MAPK10: variants seen among roughly 807,000 people sequenced by gnomAD.
MAPK10 encodes JNK3 alpha protein kinase.
In MAPK10, 25 loss-of-function variants were observed where a neutral mutation model predicts 59.3. That is an observed-to-expected ratio of 0.42 (90% CI 0.31 to 0.59). MAPK10 has a LOEUF of 0.59. Ranked by LOEUF, MAPK10 falls within the 20% of genes least tolerant of loss-of-function variation. The probability of loss-of-function intolerance (pLI) is 0.15; values close to 1 mark genes in which losing one functional copy is unlikely to be tolerated. For synonymous variants in MAPK10, 190 were observed against 200.5 expected, an observed-to-expected ratio of 0.95 and a Z score of 0.44; for missense variants, 351 against 568.9, an observed-to-expected ratio of 0.62 and a Z score of 3.90.
At chr4:86,062,076 T>A (rs1317006476) in intron 11 of MAPK10, among the ~76,000 whole-genome samples, 1 of 152,144 alleles carries the variant, frequency 6.6e-6, no homozygotes, top group East Asian at 1.9e-4. Context: ...CTCTTCTTAG[T>A]TGTGACCACT....
In MAPK10 at chr4:86,544,898, T is replaced by C. The variant is rs577102939; in HGVS notation, c.-263+49012A>G. 2.6e-5 allele frequency among the ~76,000 whole-genome samples: 4 copies of C among 151,858 alleles called. No homozygotes were observed. The East Asian group carries it at 7.7e-4, about 29-fold the overall frequency. On this transcript the variant is annotated intron_variant, in intron 1 of 4. Transcript: ENST00000502302. Reference sequence around the variant, plus strand: ...GTTTTTTTCTTTTTTTTTTTTTCACTATTTCAACAGGAAACAAAATCTTCA... The same window carrying C: ...GTTTTTTTCTTTTTTTTTTTTTCACCATTTCAACAGGAAACAAAATCTTCA...
At position 86,329,957 on chromosome 4, in the gene MAPK10, C is replaced by T. The variant is rs559386854; in HGVS notation, c.-7+24573G>A. Among the ~76,000 whole-genome samples, 6 of 152,238 alleles carry T rather than the reference C, an allele frequency of 3.9e-5. No homozygotes were observed. In the South Asian group the frequency reaches 6.2e-4, roughly 16 times the overall value. ...AAAGATGGGCAGAGGCATATATTCT[C>T]CAGACTTTTAATTTAGTAGAATTTT... On this transcript the variant is annotated intron_variant, in intron 2 of 13. Coordinates refer to ENST00000641462, the MANE Select transcript of MAPK10 (RefSeq NM_138982.4).
chr4:86,139,422 AG>A (rs1156521834), intron 4 of MAPK10, among the ~76,000 whole-genome samples: 52 of 150,136 alleles, frequency 3.5e-4, no homozygotes, highest in Admixed American at 1.9e-3. Flanking sequence ...GAGAAAAACA[AG>A]CAATGGGGAA....
At chr4:86,212,429 G>A (rs1454965536) in intron 2 of MAPK10, among the ~76,000 whole-genome samples, 1 of 152,116 alleles carries the variant, frequency 6.6e-6, no homozygotes, top group Non-Finnish European at 1.5e-5. Flanking sequence ...GACTGAGGCA[G>A]GAGGCTCACT....
At chr4:86,217,602 A>G (rs2088098709) in intron 2 of MAPK10, among the ~76,000 whole-genome samples, 2 of 152,202 alleles carry the variant, frequency 1.3e-5, no homozygotes, top group South Asian at 4.1e-4. Context: ...CAGAATACTC[A>G]GCATGTAACG....
intron 5 of MAPK10, chr4:86,106,892 G>GTT (rs141825745): frequency 1.4e-4 from 22 of 157,598 alleles, no homozygotes; most frequent in South Asian, 4.0e-4. Flanking sequence ...TGCTTTGTAG[G>GTT]TTTTTTTTTT....
At chr4:86,169,750 G>A (rs971105717) in intron 3 of MAPK10, among the ~76,000 whole-genome samples, 2 of 151,844 alleles carry the variant, frequency 1.3e-5, no homozygotes, top group African/African-American at 4.9e-5. Context: ...GCAACTCCAA[G>A]ACACATAATT....
At chr4:86,322,739 A>T (rs2095926860) in intron 2 of MAPK10, among the ~76,000 whole-genome samples, 1 of 152,204 alleles carries the variant, frequency 6.6e-6, no homozygotes, top group African/African-American at 2.4e-5. Flanking sequence ...AATAAGATGT[A>T]AACCCCATTC....
At position 86,017,143 on chromosome 4, in the gene MAPK10, T is replaced by TTGTG. The variant is rs112287084; in HGVS notation, c.*81_*84dup. 1.3e-5 allele frequency: 17 copies of TTGTG among 1,277,142 alleles called. No homozygotes were observed. The highest frequency in any genetic ancestry group is 4.5e-5 in the African/African-American group (3 of 67,254). The allele number at this position is 1,277,142 out of a possible 1,614,324, so 79.1% of individuals were successfully genotyped here. On this transcript the variant is annotated 3_prime_UTR_variant, in exon 14 of 14. Coordinates refer to ENST00000641462, the MANE Select transcript of MAPK10 (RefSeq NM_138982.4). This position sits in a 1 kb window ranked among gnomAD's most constrained non-coding sequence, Gnocchi z 4.4. ...TTTTCTTGATGTTGTGTGTCTGCAT[T>TTGTG]TGTGTGTGTGTGTGTGTCTGCGTGT...
intron 2 of MAPK10, among the ~76,000 whole-genome samples, chr4:86,287,122 G>A (rs146539147): frequency 2.6e-5 from 4 of 152,184 alleles, no homozygotes; most frequent in Admixed American, 2.0e-4. Context: ...TTACCCAGCC[G>A]GGTAAGGAAA....
chr4:86,525,077 C>T lies in MAPK10; in HGVS notation c.-263+68833G>A, dbSNP rs116772676. On this transcript the variant is annotated intron_variant, in intron 1 of 4. Transcript: ENST00000502302. Reference sequence around the variant, plus strand: ...CTTTGGGAGGCTGACACGGGCAGATCGCTTGAGCTCGAGTTCGAGACCAGC... The same window carrying T: ...CTTTGGGAGGCTGACACGGGCAGATTGCTTGAGCTCGAGTTCGAGACCAGC... Among the ~76,000 whole-genome samples the T allele has an allele frequency of 5.8e-3, 889 of 152,132 alleles. 7 individuals are homozygous for T. Among genetic ancestry groups the T allele is most frequent in the Middle Eastern group, 0.01 (3 of 292 alleles).
intron 2 of MAPK10, among the ~76,000 whole-genome samples, chr4:86,348,278 A>G (rs899646491): frequency 6.6e-6 from 1 of 152,194 alleles, no homozygotes; most frequent in Admixed American, 6.5e-5. Context: ...CACTAGCTGC[A>G]TGACCGGTGG....
At chr4:86,565,457 C>T (rs140319758) in intron 1 of MAPK10, among the ~76,000 whole-genome samples, 2 of 152,264 alleles carry the variant, frequency 1.3e-5, no homozygotes, top group East Asian at 3.9e-4. Context: ...TCTCTAAAAG[C>T]TAGTATTTCC....
chr4:86,366,026 A>G (rs537367958), intron 1 of MAPK10, among the ~76,000 whole-genome samples: 84 of 152,312 alleles, frequency 5.5e-4, no homozygotes, highest in African/African-American at 1.8e-3. Flanking sequence ...AATCAAGGAG[A>G]TCTTCCTTAC....
chr4:86,134,805 T>G (rs1282706754), intron 4 of MAPK10, among the ~76,000 whole-genome samples: 1 of 152,118 alleles, frequency 6.6e-6, no homozygotes, highest in Non-Finnish European at 1.5e-5. Flanking sequence ...GCCAAGACGG[T>G]GGGCGCAGGT....
chr4:86,553,245 T>A (rs991990457), intron 1 of MAPK10, among the ~76,000 whole-genome samples: 4 of 152,096 alleles, frequency 2.6e-5, no homozygotes, highest in Admixed American at 2.6e-4. Context: ...CTCCCACTGC[T>A]CTACCTGTTC....
rs113003534 is a variant in MAPK10, at chr4:86,288,281, G to A, written c.-7+66249C>T. Among the ~76,000 whole-genome samples, 322 of 150,764 alleles carry A rather than the reference G, an allele frequency of 2.1e-3. 1 individual carries two copies. Among genetic ancestry groups the A allele is most frequent in the Middle Eastern group, 0.01 (3 of 294 alleles). On this transcript the variant is annotated intron_variant, in intron 2 of 13. Coordinates refer to ENST00000641462, the MANE Select transcript of MAPK10 (RefSeq NM_138982.4). ...GCTGGTGTGCTGCACCCATTAACTC[G>A]TCATTTAGCATTAGGTATATCTCCT...
chr4:86,420,373 A>C (rs1393065182), intron 1 of MAPK10, among the ~76,000 whole-genome samples: 1 of 152,246 alleles, frequency 6.6e-6, no homozygotes. Flanking sequence ...TCCTGTTGTT[A>C]GAACTTTTAT....
chr4:86,512,417 C>T (rs1756348962), intron 1 of MAPK10, among the ~76,000 whole-genome samples: 1 of 152,118 alleles, frequency 6.6e-6, no homozygotes, highest in Admixed American at 6.5e-5. Context: ...CAAGGGTTTC[C>T]AGCCTTATAG....
Sources: allele counts gnomAD v4.1 joint callset (sites outside exome capture counted in the v4.1 genomes callset), GRCh38; gene constraint gnomAD v4.1.1; non-coding constraint Gnocchi (gnomAD v3.1); transcripts MANE v1.5; gene names NCBI Gene and HGNC (gene_info 2026-07-23, HGNC 2026-07-21).